The following CCDC178 variants were observed in gnomAD, a reference collection of about 807,000 sequenced individuals.
CCDC178 encodes the protein coiled-coil domain-containing protein 178.
Under a neutral mutation model 117.4 loss-of-function variants are expected in CCDC178, and 126 were observed. The ratio of observed to expected loss-of-function variants is 1.07; its 90% CI spans 0.93 to 1.24. CCDC178 has a LOEUF of 1.24. CCDC178 is among the 50% of genes most tolerant of loss of function. The pLI is 0.00. For synonymous variants in CCDC178, 283 were observed against 313.4 expected (o/e 0.90, Z 1.02); for missense variants, 1,030 against 986.9 (o/e 1.04, Z -0.59).
chr18:33,051,893 T>A (rs574215688), intron 21 of CCDC178, among the ~76,000 whole-genome samples: 2 of 152,334 alleles, frequency 1.3e-5, no homozygotes, highest in South Asian at 4.1e-4. Flanking sequence ...AATGGGTTTT[T>A]TAGCAATTTG....
intron 21 of CCDC178, among the ~76,000 whole-genome samples, chr18:33,039,474 T>A (rs921268482): frequency 6.6e-6 from 1 of 152,034 alleles, no homozygotes; most frequent in African/African-American, 2.4e-5. Context: ...AGAGCTCACA[T>A]TGGAGTGAAG....
At chr18:33,021,770 C>A (rs1057210737) in intron 21 of CCDC178, among the ~76,000 whole-genome samples, 5 of 152,150 alleles carry the variant, frequency 3.3e-5, no homozygotes, top group African/African-American at 1.2e-4. Flanking sequence ...AGCTTTCAAA[C>A]ATCTACTCCT....
chr18:33,234,423 A>ATT (rs2059403675), intron 15 of CCDC178, among the ~76,000 whole-genome samples: 1 of 152,106 alleles, frequency 6.6e-6, no homozygotes. Context: ...GACCAATGAA[A>ATT]CAAGCAAAAA....
intron 21 of CCDC178, among the ~76,000 whole-genome samples, chr18:33,091,324 C>CTTTTTTTTTTTTTT (rs746505005): frequency 0.018 from 788 of 43,896 alleles, 316 homozygotes; most frequent in East Asian, 0.029. Context: ...TTATTTCATT[C>CTTTTTTTTTTTTTT]TTTTTTTTTT....
At chr18:33,331,640 T>C (rs2062670979) in intron 10 of CCDC178, among the ~76,000 whole-genome samples, 1 of 152,080 alleles carries the variant, frequency 6.6e-6, no homozygotes, top group African/African-American at 2.4e-5. Flanking sequence ...AAAGGGAAAT[T>C]GAGAAATATC....
At chr18:33,377,536 G>T (rs1259581966) in intron 5 of CCDC178, among the ~76,000 whole-genome samples, 3 of 152,098 alleles carry the variant, frequency 2.0e-5, no homozygotes, top group Non-Finnish European at 2.9e-5. Context: ...TACCCAGAAT[G>T]GTGTTTCCTA....
intron 20 of CCDC178, among the ~76,000 whole-genome samples, chr18:33,140,104 A>G (rs921723309): frequency 6.6e-6 from 1 of 152,302 alleles, no homozygotes. Flanking sequence ...ACAGAAGTCA[A>G]GAGTTGAGGT....
chr18:33,075,869 T>C (rs1315543359), intron 21 of CCDC178, among the ~76,000 whole-genome samples: 1 of 152,092 alleles, frequency 6.6e-6, no homozygotes, highest in Non-Finnish European at 1.5e-5. Flanking sequence ...CTCGGGAGGC[T>C]GAGGCAGGAG....
At chr18:33,193,230 T>G (rs2058883734) in intron 20 of CCDC178, among the ~76,000 whole-genome samples, 1 of 113,110 alleles carries the variant, frequency 8.8e-6, no homozygotes, top group South Asian at 3.0e-4. Flanking sequence ...GCCACTGCAC[T>G]GCAGCCTGGG....
intron 14 of CCDC178, among the ~76,000 whole-genome samples, chr18:33,253,322 C>T (rs9962530): frequency 0.91 from 138,878 of 151,804 alleles, 63,618 homozygotes; most frequent in East Asian, 1. Flanking sequence ...GCAGTAATTA[C>T]GTAATTTATT....
At chr18:33,021,807 A>C (rs1183053662) in intron 21 of CCDC178, among the ~76,000 whole-genome samples, 1 of 152,158 alleles carries the variant, frequency 6.6e-6, no homozygotes, top group African/African-American at 2.4e-5. Flanking sequence ...ACTTCATTAC[A>C]GTGCTAAATG....
chr18:33,297,416 G>A (rs749456994), intron 11 of CCDC178, among the ~76,000 whole-genome samples: 13 of 151,510 alleles, frequency 8.6e-5, no homozygotes, highest in African/African-American at 1.9e-4. Flanking sequence ...ATAAACAAAC[G>A]GACAAATCAT....
At chr18:33,124,607 G>T (rs2057980794) in intron 20 of CCDC178, among the ~76,000 whole-genome samples, 1 of 151,982 alleles carries the variant, frequency 6.6e-6, no homozygotes, top group African/African-American at 2.4e-5. Flanking sequence ...TCTACTTTCA[G>T]ATATATAAAT....
chr18:33,011,003 T>C (rs2055852358), intron 21 of CCDC178, among the ~76,000 whole-genome samples: 1 of 152,156 alleles, frequency 6.6e-6, no homozygotes, highest in Admixed American at 6.5e-5. Context: ...CCCAAATTAT[T>C]ATTTTAACTA....
intron 20 of CCDC178, among the ~76,000 whole-genome samples, chr18:33,102,660 G>A (rs1247609118): frequency 1.3e-5 from 2 of 151,664 alleles, no homozygotes; most frequent in East Asian, 3.9e-4. Context: ...TCACATTAGA[G>A]CACTGTCCAA....
chr18:33,077,721 G>C (rs271523), intron 21 of CCDC178, among the ~76,000 whole-genome samples: 21,647 of 152,030 alleles, frequency 0.14, 2,390 homozygotes, highest in African/African-American at 0.31. Flanking sequence ...ACTCCCAAGA[G>C]TGAATGAGCA....
chr18:33,122,725 G>A (rs562855792), intron 20 of CCDC178, among the ~76,000 whole-genome samples: 4 of 152,236 alleles, frequency 2.6e-5, no homozygotes, highest in African/African-American at 7.2e-5. Flanking sequence ...TTGACCCAGA[G>A]AATTTGAGAG....
At chr18:32,998,937 C>A (rs1322818210) in intron 21 of CCDC178, among the ~76,000 whole-genome samples, 1 of 151,970 alleles carries the variant, frequency 6.6e-6, no homozygotes, top group East Asian at 2.0e-4. Flanking sequence ...GAGGCTCCTT[C>A]TGCTTGAGAA....
chr18:33,026,717 T>C (rs2056236775), intron 21 of CCDC178, among the ~76,000 whole-genome samples: 1 of 151,600 alleles, frequency 6.6e-6, no homozygotes, highest in African/African-American at 2.4e-5. Context: ...AGAAGTAAAG[T>C]GCCAAGAGTA....
Sources: gnomAD v4.1 joint callset for allele counts (sites outside exome capture counted in the v4.1 genomes callset) on GRCh38, gnomAD v4.1.1 for gene constraint, MANE v1.5 for transcripts, NCBI Gene and HGNC (gene_info 2026-07-23, HGNC 2026-07-21) for gene names.